DNAJC11: variants seen among roughly 807,000 people sequenced by gnomAD.
DNAJC11 encodes the protein DnaJ heat shock protein family (Hsp40) member C11, also known as dnaJ homolog subfamily C member 11.
In DNAJC11, 15 loss-of-function variants were observed where a neutral mutation model predicts 78.6. That is an observed-to-expected ratio of 0.19 (90% confidence interval 0.13 to 0.29). The LOEUF (loss-of-function observed/expected upper bound fraction) is 0.29. Ranked by LOEUF, DNAJC11 falls within the 10% of genes least tolerant of loss-of-function variation. The pLI is 1.00. For missense variants in DNAJC11, 547 were observed against 709.6 expected (o/e 0.77, Z 2.60); for synonymous variants, 292 against 272.1 (o/e 1.07, Z -0.72).
At chr1:6,654,775 GCTTTT>G (rs1320281945) in intron 4 of DNAJC11, among the ~76,000 whole-genome samples, 3 of 140,740 alleles carry the variant, frequency 2.1e-5, no homozygotes, top group Non-Finnish European at 4.6e-5. Context: ...TTTTTTGCTA[GCTTTT>G]CTTTTTTTTT....
intron 4 of DNAJC11, among the ~76,000 whole-genome samples, chr1:6,657,502 A>C (rs1024947908): frequency 1.3e-5 from 2 of 152,210 alleles, no homozygotes; most frequent in African/African-American, 2.4e-5. Context: ...GCCAATCCAC[A>C]GAACTGTGAG....
At chr1:6,655,708 C>T (rs573627276) in intron 4 of DNAJC11, among the ~76,000 whole-genome samples, 22 of 152,256 alleles carry the variant, frequency 1.4e-4, no homozygotes, top group African/African-American at 4.8e-4. Flanking sequence ...ACTCTAGAGG[C>T]TGAGGCAGGA....
chr1:6,668,470 G>T (rs1642326423), intron 3 of DNAJC11, among the ~76,000 whole-genome samples: 2 of 152,104 alleles, frequency 1.3e-5, no homozygotes, highest in South Asian at 4.1e-4. Context: ...ATTTCCTAAT[G>T]AATCTCAGAT....
At position 6,653,029 on chromosome 1, in the gene DNAJC11, G is replaced by C; in HGVS notation, c.508-78C>G. The C allele has an allele frequency of 3.2e-6, 5 of 1,574,220 alleles. No homozygotes were observed. Among genetic ancestry groups the C allele is most frequent in the Non-Finnish European group, 4.3e-6 (5 of 1,150,134 alleles). Reference sequence around the variant, plus strand: ...ATGGCAGCAGCCTAAAGAACGCACTGTGAGCCCAAGGCCAAAGGTGCAGAC... The same window carrying C: ...ATGGCAGCAGCCTAAAGAACGCACTCTGAGCCCAAGGCCAAAGGTGCAGAC... On this transcript the variant is annotated intron_variant, in intron 5 of 15. Transcript: ENST00000377577. The surrounding 1 kb of genome is among the most constrained non-coding windows in gnomAD (Gnocchi z 4.5).
chr1:6,650,699 C>T (rs571972206), intron 7 of DNAJC11, among the ~76,000 whole-genome samples: 2 of 152,168 alleles, frequency 1.3e-5, no homozygotes, highest in South Asian at 4.1e-4. Context: ...CATGGTGAAA[C>T]CCCATCTCTA....
At chr1:6,651,126 G>GA (rs779390918) in intron 7 of DNAJC11, 10 of 537,004 alleles carry the variant, frequency 1.9e-5, no homozygotes, top group Non-Finnish European at 1.5e-5. Context: ...GCTGGCTGGG[G>GA]ACTACATCTC....
At chr1:6,644,976 G>A (rs1641943396) in intron 9 of DNAJC11, 65 bp downstream of exon 9, 1 of 1,447,692 alleles carries the variant, frequency 6.9e-7, no homozygotes, top group South Asian at 1.1e-5. Flanking sequence ...TACACCAACT[G>A]GTTCCACTGT....
chr1:6,698,266 T>C (rs1404649876), intron 1 of DNAJC11, among the ~76,000 whole-genome samples: 1 of 152,094 alleles, frequency 6.6e-6, no homozygotes, highest in Non-Finnish European at 1.5e-5. Flanking sequence ...TATACTTAAA[T>C]GGCAACTACT....
Position 6,640,062 on chromosome 1 carries a change from G to C in DNAJC11, c.1098-5C>G. ...GTCTGACTGGCCCTGTTGAGCCTGG[G>C]GAAAAATACAAAAAAAAAAAAAAAA... On this transcript the variant is annotated splice_region_variant and splice_polypyrimidine_tract_variant and intron_variant, in intron 10 of 15. Transcript: ENST00000377577. 7.3e-7 allele frequency: 1 copy of C among 1,366,728 alleles called. No homozygotes were observed. Among genetic ancestry groups the C allele is most frequent in the Non-Finnish European group, 9.5e-7 (1 of 1,047,768 alleles). 84.7% of individuals were successfully genotyped at this position (1,366,728 alleles called of 1,614,324 possible).
chr1:6,693,340 T>A (rs1642780579), intron 1 of DNAJC11, among the ~76,000 whole-genome samples: 1 of 152,186 alleles, frequency 6.6e-6, no homozygotes, highest in Non-Finnish European at 1.5e-5. Context: ...TTCACATTTT[T>A]AAATTTATTT....
In DNAJC11 at chr1:6,644,759, T is replaced by G. The variant is rs1570269344; in HGVS notation, c.981-85A>C. The G allele has an allele frequency of 1.9e-5, 22 of 1,175,064 alleles. 3 individuals are homozygous for G. The South Asian group carries it at 2.6e-4, about 14-fold the overall frequency. The allele number at this position is 1,175,064 out of a possible 1,614,324, so 72.8% of individuals were successfully genotyped here. A position where few individuals can be genotyped will look rare whatever the true frequency, so the allele number is the denominator to read the frequency against. On this transcript the variant is annotated intron_variant, in intron 9 of 15. Transcript: ENST00000377577. Reference sequence around the variant, plus strand: ...GTCATTTGAGAAGAGGCCAGGTACCTTCCCTTCCCTCCCTCCAGCCTCCTC... The same window carrying G: ...GTCATTTGAGAAGAGGCCAGGTACCGTCCCTTCCCTCCCTCCAGCCTCCTC...
At chr1:6,637,739 T>G (rs1432641210) in intron 12 of DNAJC11, 2 of 586,062 alleles carry the variant, frequency 3.4e-6, no homozygotes, top group Non-Finnish European at 6.1e-6. Context: ...GGCATGACCC[T>G]CCGGTGGCCA....
At chr1:6,689,439 G>A (rs1007374766) in intron 1 of DNAJC11, among the ~76,000 whole-genome samples, 1 of 152,166 alleles carries the variant, frequency 6.6e-6, no homozygotes, top group Admixed American at 6.5e-5. Context: ...TTGGGGCAGA[G>A]GTGAATTTGA....
Position 6,645,186 on chromosome 1 carries a change from G to C in DNAJC11, c.895-60C>G. ...GGGCGTGTGACTCTGTGGGGAGATGGGTATCTGCCCTCCCACTAGCTCTGG... is the reference window on the plus strand; with the variant it reads ...GGGCGTGTGACTCTGTGGGGAGATGCGTATCTGCCCTCCCACTAGCTCTGG... On this transcript the variant is annotated intron_variant, in intron 8 of 15. Transcript: ENST00000377577. This position sits in a 1 kb window ranked among gnomAD's most constrained non-coding sequence, Gnocchi z 4.1. The C allele has an allele frequency of 2.3e-6, 3 of 1,319,890 alleles. No homozygotes were observed. The highest frequency in any genetic ancestry group is 3.3e-6 in the Non-Finnish European group (3 of 916,402). 81.8% of individuals were successfully genotyped at this position (1,319,890 alleles called of 1,614,324 possible).
intron 3 of DNAJC11, among the ~76,000 whole-genome samples, chr1:6,674,473 A>C (rs1642429034): frequency 6.6e-6 from 1 of 152,140 alleles, no homozygotes; most frequent in East Asian, 1.9e-4. Flanking sequence ...AGGCAGGAGA[A>C]TCACTTGAAC....
chr1:6,651,454 T>C (rs1465307822), intron 7 of DNAJC11, 75 bp downstream of exon 7: 1 of 1,311,574 alleles, frequency 7.6e-7, no homozygotes, highest in Middle Eastern at 1.9e-4. Context: ...ACCACTGTGA[T>C]AAAAAGAACA....
At chr1:6,688,935 T>C (rs1439453743) in intron 1 of DNAJC11, among the ~76,000 whole-genome samples, 1 of 152,190 alleles carries the variant, frequency 6.6e-6, no homozygotes, top group African/African-American at 2.4e-5. Context: ...GGGGATATAA[T>C]GGTGACTCAG....
At chr1:6,672,066 C>G (rs1162596326) in intron 3 of DNAJC11, among the ~76,000 whole-genome samples, 2 of 152,136 alleles carry the variant, frequency 1.3e-5, no homozygotes, top group African/African-American at 4.8e-5. Context: ...AACTCCTGAC[C>G]TCAAGTGATC....
At chr1:6,657,618 A>G (rs1642147056) in intron 4 of DNAJC11, among the ~76,000 whole-genome samples, 1 of 152,234 alleles carries the variant, frequency 6.6e-6, no homozygotes, top group Non-Finnish European at 1.5e-5. Context: ...TGAACAGACT[A>G]AAGTCTGTAG....
Sources: allele counts gnomAD v4.1 joint callset (sites outside exome capture counted in the v4.1 genomes callset), GRCh38; gene constraint gnomAD v4.1.1; non-coding constraint Gnocchi (gnomAD v3.1); transcripts MANE v1.5; gene names NCBI Gene and HGNC (gene_info 2026-07-23, HGNC 2026-07-21).